RALYL: variants seen among roughly 807,000 people sequenced by gnomAD.
RALYL encodes RALY RNA binding protein like.
In RALYL, 29 loss-of-function variants were observed where a neutral mutation model predicts 35.1. That is an observed-to-expected ratio of 0.83 (90% CI 0.61 to 1.13). The LOEUF (loss-of-function observed/expected upper bound fraction) is 1.13. Ranked by LOEUF, RALYL falls within the 50% of genes most tolerant of loss-of-function variation. RALYL has a pLI of 0.00. For synonymous variants in RALYL, 120 were observed against 127.6 expected (o/e 0.94, Z 0.40); for missense variants, 359 against 360.4 (o/e 1.00, Z 0.03).
intron 2 of RALYL, among the ~76,000 whole-genome samples, chr8:84,667,951 T>A (rs1415038310): frequency 1.3e-5 from 2 of 151,974 alleles, no homozygotes; most frequent in African/African-American, 4.8e-5. Flanking sequence ...GGCTGAGGAG[T>A]GCATGGTGGT....
chr8:84,247,375 G>A (rs902610876), intron 1 of RALYL, among the ~76,000 whole-genome samples: 1 of 151,972 alleles, frequency 6.6e-6, no homozygotes, highest in Non-Finnish European at 1.5e-5. Flanking sequence ...TATTTCTTAA[G>A]AGGTACATGT....
intron 1 of RALYL, among the ~76,000 whole-genome samples, chr8:84,480,854 A>G (rs550294788): frequency 5.3e-5 from 8 of 152,208 alleles, no homozygotes; most frequent in Non-Finnish European, 8.8e-5. Context: ...AATTAATTTT[A>G]TCTGCAACTG....
intron 1 of RALYL, among the ~76,000 whole-genome samples, chr8:84,300,670 A>G (rs556049910): frequency 1.2e-3 from 186 of 151,946 alleles, no homozygotes; most frequent in Non-Finnish European, 2.4e-3. Context: ...GCACTTTACC[A>G]TTATGTAATG....
intron 2 of RALYL, among the ~76,000 whole-genome samples, chr8:84,545,803 G>T (rs1284211178): frequency 6.6e-6 from 1 of 152,026 alleles, no homozygotes; most frequent in African/African-American, 2.4e-5. Flanking sequence ...TTTACAAGTT[G>T]TCTCTTTCTT....
At chr8:84,793,445 A>G (rs1324678821) in intron 3 of RALYL, among the ~76,000 whole-genome samples, 1 of 152,194 alleles carries the variant, frequency 6.6e-6, no homozygotes, top group Admixed American at 6.5e-5. Context: ...CATTGTGGAG[A>G]CCATTCGAGA....
rs2131121696 is a variant in RALYL at position 84,208,610 on chromosome 8, G to A, written c.-24+24186G>A. On this transcript the variant is annotated intron_variant, in intron 1 of 8. Coordinates refer to ENST00000521268, the MANE Select transcript of RALYL (RefSeq NM_173848.7). ...GGCAGGTGACCTGCCTATAATTCCT[G>A]CCCTGCCTTTTGAGCTCATCCCACA... 2.0e-5 allele frequency among the ~76,000 whole-genome samples: 3 copies of A among 152,206 alleles called. 1 individual carries two copies. In the South Asian group the frequency reaches 6.2e-4, roughly 32 times the overall value.
chr8:84,699,944 A>C (rs1181969502), intron 2 of RALYL, among the ~76,000 whole-genome samples: 1 of 152,182 alleles, frequency 6.6e-6, no homozygotes, highest in South Asian at 2.1e-4. Flanking sequence ...TCATACTTTT[A>C]AGTATAATCG....
At chr8:84,256,430 C>T (rs1831225150) in intron 1 of RALYL, among the ~76,000 whole-genome samples, 2 of 152,042 alleles carry the variant, frequency 1.3e-5, no homozygotes, top group African/African-American at 2.4e-5. Context: ...TATGTACCAA[C>T]TGAGAGTGAT....
chr8:84,326,439 G>T (rs1845803162), intron 1 of RALYL, among the ~76,000 whole-genome samples: 2 of 152,068 alleles, frequency 1.3e-5, no homozygotes, highest in African/African-American at 4.8e-5. Context: ...TTTTCTCTTT[G>T]CATTTAGCTA....
chr8:84,895,167 G>A (rs1232313398), intron 8 of RALYL, among the ~76,000 whole-genome samples: 2 of 151,788 alleles, frequency 1.3e-5, no homozygotes, highest in African/African-American at 4.8e-5. Flanking sequence ...AAAGACCTTC[G>A]TCTTGAACTC....
intron 3 of RALYL, among the ~76,000 whole-genome samples, chr8:84,782,025 ACG>A (rs939492590): frequency 7.5e-5 from 10 of 134,092 alleles, no homozygotes; most frequent in South Asian, 5.8e-4. Flanking sequence ...TGCTGTGCAC[ACG>A]CGCGCACACA....
At chr8:84,876,506 A>C (rs1048770440) in intron 7 of RALYL, among the ~76,000 whole-genome samples, 2 of 152,208 alleles carry the variant, frequency 1.3e-5, no homozygotes, top group East Asian at 3.9e-4. Context: ...GCATAGCACA[A>C]ATTACATGCT....
chr8:84,466,417 T>TGTTTATA (rs1295450369), intron 1 of RALYL, among the ~76,000 whole-genome samples: 12 of 149,666 alleles, frequency 8.0e-5, no homozygotes, highest in Admixed American at 2.0e-4. Flanking sequence ...GTTTTTGTCT[T>TGTTTATA]TGGCTCTGTT....
At chr8:84,206,545 A>G (rs991858953) in intron 1 of RALYL, among the ~76,000 whole-genome samples, 4 of 152,218 alleles carry the variant, frequency 2.6e-5, no homozygotes, top group African/African-American at 9.6e-5. Flanking sequence ...ATTAGAGGAC[A>G]ATATGAATTC....
At chr8:84,755,431 C>T (rs1811149633) in intron 2 of RALYL, among the ~76,000 whole-genome samples, 1 of 152,128 alleles carries the variant, frequency 6.6e-6, no homozygotes, top group Non-Finnish European at 1.5e-5. Context: ...TCCGTAGTCC[C>T]TTTTGTTCAT....
At chr8:84,803,817 A>G (rs1823930078) in intron 3 of RALYL, among the ~76,000 whole-genome samples, 1 of 152,228 alleles carries the variant, frequency 6.6e-6, no homozygotes, top group Non-Finnish European at 1.5e-5. Context: ...TTGGACTCAC[A>G]TTTATAAAAA....
chr8:84,738,838 T>G (rs1443684343), intron 2 of RALYL, among the ~76,000 whole-genome samples: 2 of 152,038 alleles, frequency 1.3e-5, no homozygotes, highest in Non-Finnish European at 2.9e-5. Context: ...TATTGAGTGT[T>G]TAATTAATGA....
intron 2 of RALYL, among the ~76,000 whole-genome samples, chr8:84,676,581 T>G (rs1834234830): frequency 6.6e-6 from 1 of 152,164 alleles, no homozygotes. Context: ...GTGATCGTGC[T>G]TAATAGCAAA....
At chr8:84,372,898 T>TTGTTTTGTTTTGTTTTTTTTG (rs1856138431) in intron 1 of RALYL, among the ~76,000 whole-genome samples, 1 of 137,440 alleles carries the variant, frequency 7.3e-6, no homozygotes, top group African/African-American at 2.8e-5. Flanking sequence ...TTTTTTTTTT[T>TTGTTTTGTTTTGTTTTTTTTG]TTTTTTTTTT....
Sources: gnomAD v4.1 joint callset for allele counts (sites outside exome capture counted in the v4.1 genomes callset) on GRCh38, gnomAD v4.1.1 for gene constraint, MANE v1.5 for transcripts, NCBI Gene and HGNC (gene_info 2026-07-23, HGNC 2026-07-21) for gene names.